Variants in DIP2C observed in about 807,000 individuals in gnomAD.
DIP2C encodes the protein DIP2 acetate--CoA ligase C (putative).
A neutral mutation model predicts 192.4 loss-of-function variants in DIP2C; 33 were observed. That is an observed-to-expected ratio of 0.17 (90% CI 0.13 to 0.23). The LOEUF is 0.23. DIP2C is among the 10% of genes least tolerant of loss of function. The pLI is 1.00. For synonymous variants in DIP2C, 979 were observed against 864.1 expected, an observed-to-expected ratio of 1.13 and a Z score of -2.33; for missense variants, 1,537 against 2,110.1, an observed-to-expected ratio of 0.73 and a Z score of 5.32.
chr10:572,501 C>CA lies in DIP2C; in HGVS notation c.86-85972dup, dbSNP rs943184261. ...TATTCCCATCACACCCCTCCAAAAA[C>CA]AAAAGAGTACTGCCAGCTTCTTACC... On this transcript the variant is annotated intron_variant, in intron 1 of 36. Coordinates refer to ENST00000280886, the MANE Select transcript of DIP2C (RefSeq NM_014974.3). 1.3e-5 allele frequency among the ~76,000 whole-genome samples: 2 copies of CA among 152,132 alleles called. 1 individual carries two copies. Among genetic ancestry groups the CA allele is most frequent in the East Asian group, 3.8e-4 (2 of 5,198 alleles).
intron 1 of DIP2C, among the ~76,000 whole-genome samples, chr10:621,402 C>G (rs1430285824): frequency 2.6e-5 from 4 of 151,836 alleles, no homozygotes; most frequent in Non-Finnish European, 5.9e-5. Flanking sequence ...GGTGCACACA[C>G]TATGTGCTCA....
At chr10:561,135 G>T (rs910880145) in intron 1 of DIP2C, among the ~76,000 whole-genome samples, 4 of 152,194 alleles carry the variant, frequency 2.6e-5, no homozygotes, top group African/African-American at 9.7e-5. Flanking sequence ...ACCAGGCTGT[G>T]CTCTGACCAC....
chr10:365,042 G>A (rs773303090), intron 19 of DIP2C: 4 of 528,544 alleles, frequency 7.6e-6, no homozygotes, highest in East Asian at 5.5e-5. Flanking sequence ...AAATATTAAG[G>A]AAGCAAATCA....
intron 1 of DIP2C, among the ~76,000 whole-genome samples, chr10:646,431 T>C (rs1416488826): frequency 6.6e-6 from 1 of 152,062 alleles, no homozygotes. Context: ...GCCTGGAAAC[T>C]GCAAAGCTGC....
chr10:332,485 C>T (rs888980115), intron 29 of DIP2C, among the ~76,000 whole-genome samples: 2 of 152,092 alleles, frequency 1.3e-5, no homozygotes, highest in African/African-American at 4.8e-5. Flanking sequence ...TCCTAATTGC[C>T]CTTACCTCAC....
At chr10:619,826 G>A (rs925666592) in intron 1 of DIP2C, among the ~76,000 whole-genome samples, 1 of 152,128 alleles carries the variant, frequency 6.6e-6, no homozygotes, top group Non-Finnish European at 1.5e-5. Context: ...AAAAATGGCA[G>A]CTCCCGTGTT....
chr10:512,922 GAAAA>G (rs60269783), intron 1 of DIP2C, among the ~76,000 whole-genome samples: 16 of 92,204 alleles, frequency 1.7e-4, no homozygotes, highest in African/African-American at 3.5e-4. Context: ...CCCACTTCAG[GAAAA>G]AAAAAAAAAA....
At position 584,501 on chromosome 10, in the gene DIP2C, C is replaced by T. The variant is rs61622545; in HGVS notation, c.86-97971G>A. Among the ~76,000 whole-genome samples the T allele has an allele frequency of 4.9e-3, 689 of 140,332 alleles. 5 individuals carry two copies. The highest frequency in any genetic ancestry group is 0.018 in the African/African-American group (652 of 36,788). The allele number at this position is 140,332 out of a possible 152,430, so 92.1% of individuals were successfully genotyped here. A position where few individuals can be genotyped will look rare whatever the true frequency, so the allele number is the denominator to read the frequency against. On this transcript the variant is annotated intron_variant, in intron 1 of 36. Transcript: ENST00000280886. ...CCTGGCCCCCACTCACGCGCATCACCTCTCAGATAATCTCGGGGCCCGCGA... is the reference window on the plus strand; with the variant it reads ...CCTGGCCCCCACTCACGCGCATCACTTCTCAGATAATCTCGGGGCCCGCGA...
Position 537,211 on chromosome 10 carries a change from C to T in DIP2C, c.86-50681G>A, listed in dbSNP as rs183565111. Among the ~76,000 whole-genome samples the T allele has an allele frequency of 2.2e-3, 332 of 152,038 alleles. 4 individuals carry two copies. The highest frequency in any genetic ancestry group is 7.5e-3 in the African/African-American group (310 of 41,442). ...GGGATCTTGGCCCCTGTGACAACCTCACCACACAGAGGCAAGGCCGTATGA... is the reference window on the plus strand; with the variant it reads ...GGGATCTTGGCCCCTGTGACAACCTTACCACACAGAGGCAAGGCCGTATGA... On this transcript the variant is annotated intron_variant, in intron 1 of 36. Coordinates refer to ENST00000280886, the MANE Select transcript of DIP2C (RefSeq NM_014974.3).
chr10:381,571 G>A (rs1337091379), intron 17 of DIP2C, among the ~76,000 whole-genome samples: 5 of 152,176 alleles, frequency 3.3e-5, no homozygotes, highest in South Asian at 4.1e-4. Flanking sequence ...GACACTGCAC[G>A]GGAGCAGGCC....
At chr10:578,197 T>C (rs577172786) in intron 1 of DIP2C, among the ~76,000 whole-genome samples, 1 of 152,210 alleles carries the variant, frequency 6.6e-6, no homozygotes, top group African/African-American at 2.4e-5. Flanking sequence ...TGAACTTACA[T>C]ATCATTTTCA....
chr10:461,187 T>A (rs1219530203), intron 3 of DIP2C, among the ~76,000 whole-genome samples: 1 of 152,176 alleles, frequency 6.6e-6, no homozygotes, highest in Non-Finnish European at 1.5e-5. Flanking sequence ...CAGGATCGAA[T>A]TCACACATAA....
At chr10:517,881 A>C (rs1846458258) in intron 1 of DIP2C, among the ~76,000 whole-genome samples, 1 of 151,906 alleles carries the variant, frequency 6.6e-6, no homozygotes, top group Admixed American at 6.6e-5. Flanking sequence ...CTAAACGTCA[A>C]ATGGAAGCCT....
At chr10:589,655 A>G (rs538627946) in intron 1 of DIP2C, among the ~76,000 whole-genome samples, 2 of 152,310 alleles carry the variant, frequency 1.3e-5, no homozygotes, top group East Asian at 1.9e-4. Context: ...CCTCCTGAGC[A>G]TAATTTACGA....
At chr10:289,155 TGCTTGAAG>T (rs1395213768) in intron 32 of DIP2C, among the ~76,000 whole-genome samples, 3 of 152,200 alleles carry the variant, frequency 2.0e-5, no homozygotes, top group Non-Finnish European at 4.4e-5. Flanking sequence ...AAGGAGAAAG[TGCTTGAAG>T]GCTTGAAGAT....
chr10:595,024 G>T (rs372584397), intron 1 of DIP2C, among the ~76,000 whole-genome samples: 9 of 152,312 alleles, frequency 5.9e-5, no homozygotes, highest in African/African-American at 1.9e-4. Context: ...GTGTCCCAAG[G>T]TGCAGTGTGT....
chr10:601,155 C>A (rs1269033975), intron 1 of DIP2C, among the ~76,000 whole-genome samples: 1 of 152,208 alleles, frequency 6.6e-6, no homozygotes, highest in Non-Finnish European at 1.5e-5. Flanking sequence ...CAATCGCCTG[C>A]TGCACCCAAC....
chr10:515,328 A>G (rs1702850848), intron 1 of DIP2C, among the ~76,000 whole-genome samples: 1 of 152,242 alleles, frequency 6.6e-6, no homozygotes, highest in Non-Finnish European at 1.5e-5. Context: ...ACATATGCAT[A>G]GTTATTTACC....
chr10:517,652 G>A (rs1485140198), intron 1 of DIP2C, among the ~76,000 whole-genome samples: 1 of 152,184 alleles, frequency 6.6e-6, no homozygotes, highest in Admixed American at 6.5e-5. Flanking sequence ...TCTACCGAAT[G>A]CCATTCATCC....
Sources: allele counts gnomAD v4.1 joint callset (sites outside exome capture counted in the v4.1 genomes callset), GRCh38; gene constraint gnomAD v4.1.1; transcripts MANE v1.5; gene names NCBI Gene and HGNC (gene_info 2026-07-23, HGNC 2026-07-21).